NUP160: variants seen among roughly 807,000 people sequenced by gnomAD.
NUP160 encodes the protein nuclear pore complex protein Nup160.
In NUP160, 94 loss-of-function variants were observed where a neutral mutation model predicts 196.9. The observed-to-expected ratio is 0.48, with a 90% CI of 0.40 to 0.57. The LOEUF is 0.57. Ranked by LOEUF, NUP160 falls within the 20% of genes least tolerant of loss-of-function variation. The pLI is 0.00. For missense variants in NUP160, 1,638 were observed against 1,748.3 expected (o/e 0.94, Z 1.13); for synonymous variants, 605 against 619.7 (o/e 0.98, Z 0.35).
chr11:47,798,837 A>C (rs2097672432), intron 23 of NUP160, among the ~76,000 whole-genome samples: 1 of 151,356 alleles, frequency 6.6e-6, no homozygotes, highest in South Asian at 2.1e-4. Flanking sequence ...CTCTATCCTC[A>C]GTGCCTAGTA....
intron 7 of NUP160, among the ~76,000 whole-genome samples, chr11:47,827,349 G>A (rs927766845): frequency 1.4e-5 from 2 of 145,442 alleles, no homozygotes; most frequent in African/African-American, 5.2e-5. Flanking sequence ...GGGTGACGGA[G>A]TGAGACACTG....
chr11:47,821,975 A>C (rs953843976), intron 8 of NUP160, 112 bp downstream of exon 8: 12 of 973,682 alleles, frequency 1.2e-5, no homozygotes, highest in African/African-American at 1.6e-5. Flanking sequence ...TTTGTTCCAT[A>C]TATCATGAAA....
At chr11:47,817,627 G>A (rs137968073) in intron 11 of NUP160, among the ~76,000 whole-genome samples, 72 of 152,316 alleles carry the variant, frequency 4.7e-4, no homozygotes, top group African/African-American at 1.7e-3. Context: ...TTACAGGCGT[G>A]AGCCACCACG....
chr11:47,847,896 A>C, exon 2 of NUP160: 10 of 1,614,182 alleles, frequency 6.2e-6, no homozygotes, highest in Non-Finnish European at 8.5e-6. Context: ...GCCACTCTCC[A>C]CGTAGTAAAA....
intron 18 of NUP160, 118 bp downstream of exon 18, chr11:47,808,278 G>C: frequency 1.1e-6 from 1 of 948,236 alleles, no homozygotes; most frequent in Non-Finnish European, 1.6e-6. Flanking sequence ...GCGAGACTCT[G>C]TCTCAAAACA....
chr11:47,792,278 G>C, intron 28 of NUP160: 1 of 321,318 alleles, frequency 3.1e-6, no homozygotes. Context: ...AACAGAAACA[G>C]CTGCATGTAT....
At chr11:47,785,189 A>G in intron 32 of NUP160, 126 bp from the exon 33 acceptor site, 2 of 424,602 alleles carry the variant, frequency 4.7e-6, no homozygotes, top group Non-Finnish European at 8.4e-6. Flanking sequence ...CACCCAGGCT[A>G]GAGTGGAGTG....
At chr11:47,808,681 C>A (rs1254949152) in intron 17 of NUP160, 152 bp from the exon 18 acceptor site, 4 of 505,884 alleles carry the variant, frequency 7.9e-6, no homozygotes, top group Non-Finnish European at 1.3e-5. Context: ...TAGCAAGTGG[C>A]AAAATATCTT....
chr11:47,822,176 C>A lies in NUP160; in HGVS notation c.1102-12G>T. 1 of 1,539,948 alleles carries A rather than the reference C, an allele frequency of 6.5e-7. No homozygotes were observed. Among genetic ancestry groups the A allele is most frequent in the Admixed American group, 1.7e-5 (1 of 58,732 alleles). On this transcript the variant is annotated splice_polypyrimidine_tract_variant and intron_variant, in intron 7 of 35. Coordinates refer to ENST00000378460, the Ensembl canonical transcript of NUP160. The stretch of plus-strand genomic sequence containing the variant: ...TGGAAAATGCAGAACTGTTAAAACA[C>A]AAGATGATCATTTATTACCTGAAAT...
chr11:47,848,243 G>T (rs138032933), exon 1 of NUP160: 1 of 1,614,070 alleles, frequency 6.2e-7, no homozygotes, highest in African/African-American at 1.3e-5. Context: ...GTGAATTCCC[G>T]AAAGTGCCTC....
At chr11:47,810,817 A>G (rs1037044088) in intron 17 of NUP160, among the ~76,000 whole-genome samples, 1 of 152,108 alleles carries the variant, frequency 6.6e-6, no homozygotes, top group Non-Finnish European at 1.5e-5. Context: ...AAGTGCTGGG[A>G]TTACAGGTGT....
chr11:47,821,424 G>T, intron 9 of NUP160: 1 of 192,620 alleles, frequency 5.2e-6, no homozygotes. Context: ...GTGGAGCAAT[G>T]TTGGCTCACT....
At chr11:47,833,080 C>T (rs1384774717) in intron 7 of NUP160, among the ~76,000 whole-genome samples, 2 of 152,042 alleles carry the variant, frequency 1.3e-5, no homozygotes, top group African/African-American at 4.8e-5. Context: ...AATGGTTGCT[C>T]GTATCTGTGG....
chr11:47,843,986 C>T (rs1448156501), intron 2 of NUP160, among the ~76,000 whole-genome samples: 1 of 152,214 alleles, frequency 6.6e-6, no homozygotes, highest in Non-Finnish European at 1.5e-5. Flanking sequence ...AAAGTACCTG[C>T]TTCACCTATA....
chr11:47,829,018 G>A (rs1006292705), intron 7 of NUP160, among the ~76,000 whole-genome samples: 3 of 152,110 alleles, frequency 2.0e-5, no homozygotes, highest in African/African-American at 7.2e-5. Context: ...AGAGTAAATC[G>A]TTATGACCTT....
At chr11:47,807,129 A>T in exon 19 of NUP160, 1 of 1,609,944 alleles carries the variant, frequency 6.2e-7, no homozygotes, top group Non-Finnish European at 8.5e-7. Flanking sequence ...TAAGTGTTGG[A>T]GATTAGACTC....
At position 47,825,704 on chromosome 11, in the gene NUP160, C is replaced by T. The variant is rs550995022; in HGVS notation, c.1102-3540G>A. ...CTGACCTCAAGTGATCCACCCACCT[C>T]GGCCTCCCAAAATGTTGGGATTACA... On this transcript the variant is annotated intron_variant, in intron 7 of 35. Transcript: ENST00000378460. Among the ~76,000 whole-genome samples, 126 of 152,156 alleles carry T rather than the reference C, an allele frequency of 8.3e-4. 1 individual carries two copies. Among genetic ancestry groups the T allele is most frequent in the African/African-American group, 2.5e-3 (102 of 41,506 alleles).
At chr11:47,803,914 GGT>G (rs2097675919) in intron 21 of NUP160, among the ~76,000 whole-genome samples, 1 of 152,110 alleles carries the variant, frequency 6.6e-6, no homozygotes, top group South Asian at 2.1e-4. Context: ...GGCCAGGCAC[GGT>G]GGCTCATGCC....
chr11:47,796,240 G>T, intron 27 of NUP160: 1 of 554,812 alleles, frequency 1.8e-6, no homozygotes, highest in Non-Finnish European at 3.3e-6. Flanking sequence ...AGAAATACGA[G>T]ATTACAGAGC....
Sources: gnomAD v4.1 joint callset for allele counts (sites outside exome capture counted in the v4.1 genomes callset) on GRCh38, gnomAD v4.1.1 for gene constraint, MANE v1.5 for transcripts, NCBI Gene and HGNC (gene_info 2026-07-23, HGNC 2026-07-21) for gene names.